TTLL7: variants seen among roughly 807,000 people sequenced by gnomAD.
TTLL7 encodes the protein tubulin tyrosine ligase like 7.
In TTLL7, 53 loss-of-function variants were observed where a neutral mutation model predicts 120.2. The ratio of observed to expected loss-of-function variants is 0.44; its 90% CI spans 0.35 to 0.55. The LOEUF (loss-of-function observed/expected upper bound fraction) is 0.55, where lower values mean the gene tolerates loss of function less well. Ranked by LOEUF, TTLL7 falls within the 20% of genes least tolerant of loss-of-function variation. The pLI is 0.00. For missense variants in TTLL7, 803 were observed against 1,054.7 expected (o/e 0.76, Z 3.31); for synonymous variants, 353 against 351.7 (o/e 1.00, Z -0.04).
At chr1:83,905,024 CTT>C (rs1239383877) in intron 17 of TTLL7, among the ~76,000 whole-genome samples, 2 of 151,826 alleles carry the variant, frequency 1.3e-5, no homozygotes, top group Admixed American at 1.3e-4. Context: ...TAGTTTTACT[CTT>C]TGATTGTTTA....
At chr1:83,885,866 T>C (rs1048031778) in intron 19 of TTLL7, among the ~76,000 whole-genome samples, 3 of 152,038 alleles carry the variant, frequency 2.0e-5, no homozygotes, top group Non-Finnish European at 4.4e-5. Context: ...ATAGTTAAAA[T>C]ACCAGTGCTT....
intron 1 of TTLL7, among the ~76,000 whole-genome samples, chr1:83,996,323 T>G (rs1346109910): frequency 6.6e-6 from 1 of 152,160 alleles, no homozygotes; most frequent in African/African-American, 2.4e-5. Context: ...GCAACAGATA[T>G]GGAGAATGTA....
chr1:83,927,644 A>G (rs1328267173), intron 10 of TTLL7, among the ~76,000 whole-genome samples: 1 of 152,200 alleles, frequency 6.6e-6, no homozygotes, highest in Non-Finnish European at 1.5e-5. Flanking sequence ...AATTCTATTT[A>G]GGTTCTTGAG....
chr1:83,943,767 A>C (rs1020551913), intron 6 of TTLL7, among the ~76,000 whole-genome samples: 2 of 152,258 alleles, frequency 1.3e-5, no homozygotes, highest in African/African-American at 2.4e-5. Context: ...AAGAAAGTAT[A>C]GCCCAAATAC....
Position 83,890,461 on chromosome 1 carries a change from T to A in TTLL7, c.2229A>T (p.Thr743=). Residue 743 remains threonine, a synonymous_variant, in exon 19 of 21, where the codon ACA becomes ACT. Coordinates refer to ENST00000260505, the MANE Select transcript of TTLL7 (RefSeq NM_024686.6). ...TGCGTGGAAGAACTGTACGAATACT[T>A]GTTTTCACTATGTCCAAAACCTAGT... ...KQRKVLDIVK[T]SIRTVLPRIW... 6.2e-7 allele frequency: 1 copy of A among 1,612,276 alleles called. No individual in the cohort carries two copies. The highest frequency in any genetic ancestry group is 8.5e-7 in the Non-Finnish European group (1 of 1,179,186).
At chr1:83,968,492 GATGAAACTA>G (rs1650685424) in intron 1 of TTLL7, among the ~76,000 whole-genome samples, 2 of 152,048 alleles carry the variant, frequency 1.3e-5, no homozygotes, top group South Asian at 4.1e-4. Context: ...GTTCCAGTTA[GATGAAACTA>G]AAACAGCTAA....
chr1:83,966,269 C>T (rs1261212808), intron 1 of TTLL7, among the ~76,000 whole-genome samples: 1 of 152,094 alleles, frequency 6.6e-6, no homozygotes, highest in Admixed American at 6.5e-5. Context: ...TTCCCTGGGT[C>T]TCCAGGCTGC....
At chr1:83,892,268 GAATATATATGAATATATA>G (rs1201357974) in intron 18 of TTLL7, among the ~76,000 whole-genome samples, 3 of 96,828 alleles carry the variant, frequency 3.1e-5, no homozygotes, top group Non-Finnish European at 7.2e-5. Flanking sequence ...ATATATATAC[GAATATATATGAATATATA>G]TGTATATATG....
chr1:83,961,504 G>A (rs1650016486), intron 1 of TTLL7, among the ~76,000 whole-genome samples: 1 of 151,958 alleles, frequency 6.6e-6, no homozygotes, highest in Non-Finnish European at 1.5e-5. Flanking sequence ...TGATAAACGG[G>A]TAATGATAAC....
In TTLL7 at chr1:83,933,253, T is replaced by C. The variant is rs369062206; in HGVS notation, c.1047+355A>G. On this transcript the variant is annotated intron_variant, in intron 9 of 20. Transcript: ENST00000260505. ...AGGCAAGATCCTGAAGCCCAGGCACTCACAGAGAGGAGAGACACTATCCAG... is the reference window on the plus strand; with the variant it reads ...AGGCAAGATCCTGAAGCCCAGGCACCCACAGAGAGGAGAGACACTATCCAG... Among the ~76,000 whole-genome samples the C allele has an allele frequency of 4.1e-4, 63 of 152,116 alleles. 1 individual carries two copies. The South Asian group carries it at 0.012, about 30-fold the overall frequency.
chr1:83,928,201 C>CT (rs1659298214), intron 10 of TTLL7, among the ~76,000 whole-genome samples: 1 of 152,060 alleles, frequency 6.6e-6, no homozygotes, highest in South Asian at 2.1e-4. Flanking sequence ...TAATAGTAAA[C>CT]TTTCATGCAA....
At chr1:83,881,568 C>G (rs1654472012) in intron 20 of TTLL7, among the ~76,000 whole-genome samples, 2 of 152,098 alleles carry the variant, frequency 1.3e-5, no homozygotes, top group African/African-American at 4.8e-5. Context: ...GAATGGCCAT[C>G]AGTAAAAAGT....
rs1655375478 is a variant in TTLL7, at chr1:83,890,489, A to T, written c.2209-8T>A. 1.2e-6 allele frequency: 2 copies of T among 1,604,766 alleles called. No individual in the cohort carries two copies. The highest frequency in any genetic ancestry group is 1.3e-5 in the African/African-American group (1 of 74,226). Reference sequence around the variant, plus strand: ...TTTCACTATGTCCAAAACCTAGTGGAAAAACCAAAGTACTTACAATCTAGG... The same window carrying T: ...TTTCACTATGTCCAAAACCTAGTGGTAAAACCAAAGTACTTACAATCTAGG... On this transcript the variant is annotated splice_polypyrimidine_tract_variant and splice_region_variant and intron_variant, in intron 18 of 20. Transcript: ENST00000260505.
At chr1:83,961,400 T>C (rs1231449324) in intron 1 of TTLL7, among the ~76,000 whole-genome samples, 4 of 152,112 alleles carry the variant, frequency 2.6e-5, no homozygotes, top group Admixed American at 1.3e-4. Context: ...ATGTATAGTA[T>C]GTGTAATTAG....
intron 9 of TTLL7, among the ~76,000 whole-genome samples, chr1:83,930,043 C>T (rs1407365638): frequency 1.3e-5 from 2 of 151,990 alleles, no homozygotes; most frequent in African/African-American, 4.8e-5. Flanking sequence ...CAAGAAATTA[C>T]CCAGGAATAC....
At chr1:83,910,513 A>C (rs1657583751) in intron 15 of TTLL7, among the ~76,000 whole-genome samples, 1 of 152,164 alleles carries the variant, frequency 6.6e-6, no homozygotes. Context: ...ATTGAAGAAC[A>C]AACGAAAGAA....
chr1:83,905,430 G>A (rs139770547), intron 17 of TTLL7, among the ~76,000 whole-genome samples: 3 of 151,210 alleles, frequency 2.0e-5, no homozygotes, highest in African/African-American at 7.3e-5. Context: ...CTTCAGACAG[G>A]TCTAAAGTAT....
chr1:83,960,329 A>C (rs1304303860), intron 1 of TTLL7, among the ~76,000 whole-genome samples: 1 of 152,282 alleles, frequency 6.6e-6, no homozygotes, highest in East Asian at 1.9e-4. Context: ...TAGTGGAGAC[A>C]ATCTTAAGAG....
chr1:83,917,118 G>T (rs1395028106), intron 14 of TTLL7, among the ~76,000 whole-genome samples: 1 of 150,296 alleles, frequency 6.7e-6, no homozygotes, highest in African/African-American at 2.4e-5. Context: ...AAAAAAAAAG[G>T]AGAACATGTA....
Sources: gnomAD v4.1 joint callset for allele counts (sites outside exome capture counted in the v4.1 genomes callset) on GRCh38, gnomAD v4.1.1 for gene constraint, MANE v1.5 for transcripts, NCBI Gene and HGNC (gene_info 2026-07-23, HGNC 2026-07-21) for gene names.